The following NAALADL2 variants were observed in gnomAD, a reference collection of about 807,000 sequenced individuals.
NAALADL2 encodes N-acetylated alpha-linked acidic dipeptidase like 2, also known as inactive N-acetylated-alpha-linked acidic dipeptidase-like protein 2.
NAALADL2 carries 76 observed loss-of-function variants against 87.2 expected under a neutral mutation model. The ratio of observed to expected loss-of-function variants is 0.87; its 90% CI spans 0.72 to 1.05. The LOEUF is 1.05. Ranked by LOEUF, NAALADL2 falls within the 50% of genes least tolerant of loss-of-function variation. The pLI is 0.00. For missense variants in NAALADL2, 1,089 were observed against 945.8 expected, an observed-to-expected ratio of 1.15 and a Z score of -1.99; for synonymous variants, 354 against 331.0, an observed-to-expected ratio of 1.07 and a Z score of -0.75.
chr3:175,225,228 C>T (rs2109388541), intron 2 of NAALADL2, among the ~76,000 whole-genome samples: 1 of 152,140 alleles, frequency 6.6e-6, no homozygotes, highest in South Asian at 2.1e-4. Flanking sequence ...ATAAAATTAC[C>T]ATTACATTTT....
chr3:174,640,899 G>A (rs1723110770), intron 2 of NAALADL2, among the ~76,000 whole-genome samples: 1 of 152,176 alleles, frequency 6.6e-6, no homozygotes, highest in Non-Finnish European at 1.5e-5. Flanking sequence ...ATGAAAAAAA[G>A]TCACCTGAGG....
At position 174,605,458 on chromosome 3, in the gene NAALADL2, C is replaced by T. The variant is rs554405528; in HGVS notation, c.-115+54821C>T. On this transcript the variant is annotated intron_variant, in intron 2 of 3. Transcript: ENST00000434257. ...CGGCACCTGGAAAATCGGGTCACTC[C>T]CACCCGAATACTGCACTTTTCCGAT... 9.8e-5 allele frequency among the ~76,000 whole-genome samples: 15 copies of T among 152,288 alleles called. No individual in the cohort carries two copies. The East Asian group carries it at 2.9e-3, about 30-fold the overall frequency.
chr3:174,693,727 G>T (rs976069897), intron 2 of NAALADL2, among the ~76,000 whole-genome samples: 2 of 152,100 alleles, frequency 1.3e-5, no homozygotes, highest in African/African-American at 4.8e-5. Context: ...AATAAACAAT[G>T]GAAGATAAGG....
intron 1 of NAALADL2, among the ~76,000 whole-genome samples, chr3:175,070,055 T>C (rs1046928785): frequency 1.8e-4 from 27 of 150,012 alleles, no homozygotes; most frequent in Non-Finnish European, 1.5e-5. Flanking sequence ...GAGATATACC[T>C]AATGCTAAAT....
At chr3:174,505,595 A>G (rs1464598007) in intron 1 of NAALADL2, among the ~76,000 whole-genome samples, 1 of 152,192 alleles carries the variant, frequency 6.6e-6, no homozygotes, top group Non-Finnish European at 1.5e-5. Context: ...TAAAGTCATC[A>G]TAACATAAAG....
At chr3:175,264,911 C>A (rs1338098531) in intron 4 of NAALADL2, among the ~76,000 whole-genome samples, 1 of 151,306 alleles carries the variant, frequency 6.6e-6, no homozygotes, top group East Asian at 1.9e-4. Context: ...AGTATGGTTC[C>A]CAAAAACCAT....
At chr3:175,581,373 C>T (rs760209101) in intron 10 of NAALADL2, among the ~76,000 whole-genome samples, 7 of 152,096 alleles carry the variant, frequency 4.6e-5, no homozygotes, top group African/African-American at 4.8e-5. Flanking sequence ...ATCCTGCAGG[C>T]GAAGGTTGCA....
At chr3:174,594,069 A>G (rs1717644255) in intron 2 of NAALADL2, among the ~76,000 whole-genome samples, 1 of 151,716 alleles carries the variant, frequency 6.6e-6, no homozygotes, top group Non-Finnish European at 1.5e-5. Flanking sequence ...TAGATTGCAA[A>G]TAGCTAATAA....
intron 1 of NAALADL2, among the ~76,000 whole-genome samples, chr3:174,905,335 G>T (rs979533739): frequency 6.6e-6 from 1 of 151,814 alleles, no homozygotes; most frequent in Non-Finnish European, 1.5e-5. Flanking sequence ...AATAGAATTT[G>T]TTGAGGGATG....
intron 2 of NAALADL2, among the ~76,000 whole-genome samples, chr3:174,587,429 T>C (rs985878295): frequency 6.6e-6 from 1 of 152,230 alleles, no homozygotes; most frequent in Non-Finnish European, 1.5e-5. Context: ...TGATATTAGC[T>C]GTTTATTTTG....
chr3:175,070,158 A>G (rs1715353920), intron 1 of NAALADL2, among the ~76,000 whole-genome samples: 2 of 151,670 alleles, frequency 1.3e-5, no homozygotes, highest in South Asian at 2.1e-4. Flanking sequence ...AACTTAAAGT[A>G]TAATAATAAT....
chr3:175,246,423 C>T (rs1747987268), intron 3 of NAALADL2, among the ~76,000 whole-genome samples: 1 of 152,174 alleles, frequency 6.6e-6, no homozygotes, highest in Non-Finnish European at 1.5e-5. Flanking sequence ...CATTCTGAGT[C>T]TCTCTTAGAG....
chr3:175,360,167 G>T (rs553512165), intron 5 of NAALADL2, among the ~76,000 whole-genome samples: 24 of 152,090 alleles, frequency 1.6e-4, no homozygotes, highest in Non-Finnish European at 2.8e-4. Flanking sequence ...ACTATGTAAA[G>T]CATTGTTCAC....
chr3:175,752,828 T>C (rs1746779137), intron 12 of NAALADL2, among the ~76,000 whole-genome samples: 1 of 152,204 alleles, frequency 6.6e-6, no homozygotes, highest in East Asian at 1.9e-4. Flanking sequence ...CAGATTTTTC[T>C]TTCTTAAATG....
intron 1 of NAALADL2, among the ~76,000 whole-genome samples, chr3:174,910,015 ATGTAT>A (rs1733490090): frequency 6.6e-6 from 1 of 152,124 alleles, no homozygotes; most frequent in Non-Finnish European, 1.5e-5. Context: ...CACATATGCA[ATGTAT>A]TGTATTTGCA....
intron 9 of NAALADL2, among the ~76,000 whole-genome samples, chr3:175,498,855 G>T (rs6776141): frequency 0.032 from 4,853 of 152,130 alleles, 275 homozygotes; most frequent in African/African-American, 0.11. Flanking sequence ...TAAGTTAAAA[G>T]AAGGTCATTT....
At chr3:175,368,672 A>G (rs977804697) in intron 5 of NAALADL2, among the ~76,000 whole-genome samples, 1 of 152,056 alleles carries the variant, frequency 6.6e-6, no homozygotes, top group African/African-American at 2.4e-5. Flanking sequence ...TGAGAAATGC[A>G]TCATTAGGTG....
intron 11 of NAALADL2, among the ~76,000 whole-genome samples, chr3:175,644,450 T>G (rs1044211897): frequency 1.8e-4 from 28 of 152,102 alleles, no homozygotes; most frequent in African/African-American, 6.3e-4. Context: ...ATTGTGATGA[T>G]TTAGTTAGGG....
upstream of NAALADL2, among the ~76,000 whole-genome samples, chr3:174,855,814 ACACAC>A (rs1444337610): frequency 1.1e-4 from 14 of 132,630 alleles, no homozygotes; most frequent in African/African-American, 3.9e-4. Flanking sequence ...ACACACACAC[ACACAC>A]ATGTATATGT....
Sources: allele counts gnomAD v4.1 joint callset (sites outside exome capture counted in the v4.1 genomes callset), GRCh38; gene constraint gnomAD v4.1.1; transcripts MANE v1.5; gene names NCBI Gene and HGNC (gene_info 2026-07-23, HGNC 2026-07-21).